NINL: variants seen among roughly 807,000 people sequenced by gnomAD.
NINL encodes ninein-like protein.
NINL carries 153 observed loss-of-function variants against 160.3 expected under a neutral mutation model. That is an observed-to-expected ratio of 0.95 (90% CI 0.84 to 1.09). The LOEUF (loss-of-function observed/expected upper bound fraction) is 1.09, where lower values mean the gene tolerates loss of function less well. Among genes scored for constraint, NINL ranks in the 50% least tolerant of loss-of-function variants. The pLI is 0.00. For missense variants in NINL, 1,829 were observed against 1,764.0 expected, an observed-to-expected ratio of 1.04 and a Z score of -0.66; for synonymous variants, 800 against 734.8, an observed-to-expected ratio of 1.09 and a Z score of -1.43.
In NINL at chr20:25,458,458, C is replaced by T. The variant is rs748702680; in HGVS notation, c.3768G>A (p.Gln1256=). 1 of 1,605,072 alleles carries T rather than the reference C, an allele frequency of 6.2e-7. No homozygotes were observed. The highest frequency in any genetic ancestry group is 1.7e-5 in the Admixed American group (1 of 60,010). Residue 1256 remains glutamine, a synonymous_variant, in exon 22 of 24, where the codon CAG becomes CAA. Transcript: ENST00000278886. ...QHLQEVRLVP[Q]DRVAELHRLL... is the part of the protein sequence containing the mutation. ...GGCGATGCAGCTCGGCCACACGGTCCTGGGGCACCAGCCGGACCTCCTGCA... is the reference window on the plus strand; with the variant it reads ...GGCGATGCAGCTCGGCCACACGGTCTTGGGGCACCAGCCGGACCTCCTGCA...
Position 25,470,034 on chromosome 20 carries a change from GA to G in NINL, c.3309del (p.Arg1104GlyfsTer21), listed in dbSNP as rs2063054975. ...NTLLKNDLGR[V>X]RQELEAAEST... Reference sequence around the variant, plus strand: ...CTTTCTGCAGCTTCAAGCTCTTGCCGAACCCTTCCCAGATCGTTTTTCAACA... The same window carrying G: ...CTTTCTGCAGCTTCAAGCTCTTGCCGACCCTTCCCAGATCGTTTTTCAACA... On this transcript the variant is annotated frameshift_variant, in exon 18 of 24. Coordinates refer to ENST00000278886, the MANE Select transcript of NINL (RefSeq NM_025176.6). LOFTEE classifies it high-confidence loss of function. The G allele has an allele frequency of 6.2e-7, 1 of 1,614,128 alleles. No homozygotes were observed. The highest frequency in any genetic ancestry group is 8.5e-7 in the Non-Finnish European group (1 of 1,180,004).
At chr20:25,559,504 G>A (rs1349298418) in intron 1 of NINL, among the ~76,000 whole-genome samples, 1 of 152,172 alleles carries the variant, frequency 6.6e-6, no homozygotes, top group Non-Finnish European at 1.5e-5. Context: ...CTCCCAAAGT[G>A]CTGGGATTAC....
intron 1 of NINL, among the ~76,000 whole-genome samples, chr20:25,528,438 T>C (rs1276264690): frequency 6.6e-6 from 1 of 152,210 alleles, no homozygotes; most frequent in African/African-American, 2.4e-5. Context: ...ACTTTACATA[T>C]AATAATTCAT....
intron 7 of NINL, among the ~76,000 whole-genome samples, chr20:25,502,286 TTGAC>T (rs1161015897): frequency 6.6e-6 from 1 of 152,166 alleles, no homozygotes; most frequent in East Asian, 1.9e-4. Context: ...CCGGCCCTCA[TTGAC>T]TTTAGAGTCA....
At chr20:25,524,198 T>G (rs2064312767) in intron 2 of NINL, among the ~76,000 whole-genome samples, 1 of 152,114 alleles carries the variant, frequency 6.6e-6, no homozygotes, top group South Asian at 2.1e-4. Flanking sequence ...TGGTCCACCA[T>G]GACCAACCAT....
intron 1 of NINL, among the ~76,000 whole-genome samples, chr20:25,544,449 C>A (rs916333417): frequency 3.9e-5 from 6 of 152,158 alleles, no homozygotes; most frequent in Admixed American, 3.9e-4. Flanking sequence ...GATTAAAGAA[C>A]ACATTTGCAC....
chr20:25,514,464 A>G (rs1262019185), intron 3 of NINL, among the ~76,000 whole-genome samples: 1 of 152,284 alleles, frequency 6.6e-6, no homozygotes, highest in Non-Finnish European at 1.5e-5. Flanking sequence ...GCAAAGTGTG[A>G]AAGTTTGGAA....
At chr20:25,583,872 G>C (rs1206592078) in intron 1 of NINL, among the ~76,000 whole-genome samples, 2 of 152,132 alleles carry the variant, frequency 1.3e-5, no homozygotes, top group African/African-American at 4.8e-5. Context: ...ACTAACACAA[G>C]AACAGAAAAC....
At position 25,537,457 on chromosome 20, in the gene NINL, C is replaced by T. The variant is rs75226813; in HGVS notation, c.-11-10859G>A. Among the ~76,000 whole-genome samples the T allele has an allele frequency of 2.0e-3, 299 of 152,336 alleles. 1 individual carries two copies. Among genetic ancestry groups the T allele is most frequent in the Non-Finnish European group, 3.6e-3 (242 of 68,044 alleles). ...AACTGATGTAAATCCAATGGGTCAA[C>T]GAGCAGCGCACCTGCTGGCTCTGCA... On this transcript the variant is annotated intron_variant, in intron 1 of 23. Coordinates refer to ENST00000278886, the MANE Select transcript of NINL (RefSeq NM_025176.6).
At chr20:25,493,181 T>C (rs2063676073) in intron 10 of NINL, among the ~76,000 whole-genome samples, 1 of 152,220 alleles carries the variant, frequency 6.6e-6, no homozygotes, top group African/African-American at 2.4e-5. Flanking sequence ...AGTTCTCAGT[T>C]ACTCAAACTG....
chr20:25,552,859 C>A (rs932350019), intron 1 of NINL, among the ~76,000 whole-genome samples: 1 of 152,226 alleles, frequency 6.6e-6, no homozygotes, highest in African/African-American at 2.4e-5. Context: ...AGCCTATCTG[C>A]GAAGGTCAGT....
chr20:25,491,785 C>T (rs2063646331), intron 10 of NINL, among the ~76,000 whole-genome samples: 1 of 152,244 alleles, frequency 6.6e-6, no homozygotes, highest in Non-Finnish European at 1.5e-5. Flanking sequence ...CCCCTCACAG[C>T]GAGGAGCACA....
intron 1 of NINL, among the ~76,000 whole-genome samples, chr20:25,567,641 T>C (rs1234430084): frequency 6.6e-6 from 1 of 152,178 alleles, no homozygotes; most frequent in African/African-American, 2.4e-5. Context: ...AGACTTCTCA[T>C]ATACCATGAA....
intron 21 of NINL, chr20:25,458,884 C>T (rs1439067508): frequency 1.3e-5 from 3 of 231,596 alleles, no homozygotes; most frequent in African/African-American, 6.9e-5. Flanking sequence ...GTTCTCCTTT[C>T]AGCGGAGACC....
At chr20:25,549,385 C>T (rs1466802739) in intron 1 of NINL, among the ~76,000 whole-genome samples, 2 of 151,800 alleles carry the variant, frequency 1.3e-5, no homozygotes, top group Non-Finnish European at 2.9e-5. Flanking sequence ...CCACAGCTCC[C>T]ACACCCAGCC....
chr20:25,508,285 G>A (rs1478214559), intron 5 of NINL, among the ~76,000 whole-genome samples: 1 of 152,262 alleles, frequency 6.6e-6, no homozygotes, highest in Non-Finnish European at 1.5e-5. Context: ...CTCTATCCAA[G>A]CTATGTTTCT....
At position 25,461,581 on chromosome 20, in the gene NINL, G is replaced by A; in HGVS notation, c.3637C>T (p.Gln1213Ter). The change falls in exon 21 of 24, where the codon CAG becomes TAG. Residue 1213 changes from glutamine to a stop codon, truncating the protein, a stop_gained. Coordinates refer to ENST00000278886, the MANE Select transcript of NINL (RefSeq NM_025176.6). LOFTEE classifies it high-confidence loss of function. Reference protein sequence around the residue: ...VELECLNQEHQSLQLPWSELT... With the variant: ...VELECLNQEH ...TCTGACCATGGCAGCTGCAGGCTCT[G>A]ATGTTCCTGATTCAGGCATTCAAGT... 6.2e-7 allele frequency: 1 copy of A among 1,609,734 alleles called. No homozygotes were observed. Among genetic ancestry groups the A allele is most frequent in the Non-Finnish European group, 8.5e-7 (1 of 1,178,666 alleles).
chr20:25,472,324 G>GATAGATAT (rs1555845880), intron 17 of NINL, among the ~76,000 whole-genome samples: 10 of 83,954 alleles, frequency 1.2e-4, no homozygotes, highest in South Asian at 8.9e-4. Context: ...GGGAGGAGAG[G>GATAGATAT]ATATATATAT....
At chr20:25,568,477 T>C (rs1307569961) in intron 1 of NINL, among the ~76,000 whole-genome samples, 1 of 152,082 alleles carries the variant, frequency 6.6e-6, no homozygotes, top group Admixed American at 6.6e-5. Flanking sequence ...GGCCTGATCA[T>C]GGCTCATAGC....
Sources: allele counts gnomAD v4.1 joint callset (sites outside exome capture counted in the v4.1 genomes callset), GRCh38; gene constraint gnomAD v4.1.1; transcripts MANE v1.5; gene names NCBI Gene and HGNC (gene_info 2026-07-23, HGNC 2026-07-21).